Variants in PTPRN2 observed in about 807,000 individuals in gnomAD.
PTPRN2 encodes protein tyrosine phosphatase receptor type N2, also known as receptor-type tyrosine-protein phosphatase N2.
Under a neutral mutation model 118.8 loss-of-function variants are expected in PTPRN2, and 74 were observed. The observed-to-expected ratio is 0.62, with a 90% confidence interval of 0.52 to 0.76. The LOEUF (loss-of-function observed/expected upper bound fraction) is 0.76. Among genes scored for constraint, PTPRN2 ranks in the 30% least tolerant of loss-of-function variants. PTPRN2 has a pLI of 0.00. For synonymous variants in PTPRN2, 641 were observed against 608.0 expected, an observed-to-expected ratio of 1.05 and a Z score of -0.80; for missense variants, 1,481 against 1,394.4, an observed-to-expected ratio of 1.06 and a Z score of -0.99.
intron 3 of PTPRN2, 36 bp downstream of exon 3, chr7:158,316,783 C>G: frequency 6.7e-7 from 1 of 1,502,924 alleles, no homozygotes; most frequent in Non-Finnish European, 9.0e-7. Context: ...TCGCTCAGTG[C>G]GGCAGCCGCC....
At chr7:157,928,223 G>A (rs1464290681) in intron 11 of PTPRN2, among the ~76,000 whole-genome samples, 2 of 152,136 alleles carry the variant, frequency 1.3e-5, no homozygotes, top group Non-Finnish European at 2.9e-5. Flanking sequence ...TACAGGACCC[G>A]ACCCAGAGCC....
intron 12 of PTPRN2, among the ~76,000 whole-genome samples, chr7:157,722,455 G>T (rs1799294353): frequency 6.6e-6 from 1 of 152,194 alleles, no homozygotes; most frequent in South Asian, 2.1e-4. Context: ...GCCCATGTCG[G>T]TGCAGTTGGG....
intron 11 of PTPRN2, among the ~76,000 whole-genome samples, chr7:158,060,843 G>C (rs1810275588): frequency 6.6e-6 from 1 of 152,248 alleles, no homozygotes. Context: ...GGATGGCCTG[G>C]AGGGATGAAG....
chr7:158,068,302 G>T (rs1810940165), intron 11 of PTPRN2, among the ~76,000 whole-genome samples: 1 of 152,366 alleles, frequency 6.6e-6, no homozygotes, highest in East Asian at 1.9e-4. Context: ...TCCCCGTGGG[G>T]TGCCCGTGCT....
intron 11 of PTPRN2, among the ~76,000 whole-genome samples, chr7:158,067,912 G>A (rs1429206860): frequency 6.6e-6 from 1 of 152,210 alleles, no homozygotes. Context: ...GTCATGGTGT[G>A]CTTAGAATTT....
intron 12 of PTPRN2, among the ~76,000 whole-genome samples, chr7:157,819,533 G>A (rs1175502299): frequency 5.3e-5 from 4 of 75,534 alleles, no homozygotes; most frequent in African/African-American, 1.6e-4. Context: ...AGCACACACC[G>A]AGCGGCCACG....
intron 12 of PTPRN2, among the ~76,000 whole-genome samples, chr7:157,700,055 CTT>C (rs369871527): frequency 3.4e-4 from 52 of 152,326 alleles, no homozygotes; most frequent in African/African-American, 1.2e-3. Flanking sequence ...CTACTTCGAC[CTT>C]GCTCAGTCAT....
intron 1 of PTPRN2, among the ~76,000 whole-genome samples, chr7:158,505,619 T>C (rs1822686155): frequency 6.6e-6 from 1 of 151,412 alleles, no homozygotes; most frequent in South Asian, 2.1e-4. Flanking sequence ...CTCTGCCTTT[T>C]GGTTTAGAGG....
chr7:157,781,650 T>C (rs1278469135), intron 12 of PTPRN2, among the ~76,000 whole-genome samples: 1 of 152,220 alleles, frequency 6.6e-6, no homozygotes, highest in Non-Finnish European at 1.5e-5. Context: ...TGGCGGAAGC[T>C]TCCTGACTGA....
intron 11 of PTPRN2, among the ~76,000 whole-genome samples, chr7:157,969,128 T>C (rs1802140005): frequency 6.6e-6 from 1 of 151,760 alleles, no homozygotes; most frequent in East Asian, 1.9e-4. Flanking sequence ...TGTTTCCTTT[T>C]TTTTTTCATC....
chr7:158,267,294 G>A (rs754187833), intron 3 of PTPRN2, among the ~76,000 whole-genome samples: 33 of 150,456 alleles, frequency 2.2e-4, no homozygotes, highest in Non-Finnish European at 2.7e-4. Context: ...CGGCTGGCCC[G>A]GCAGAGCTGG....
intron 9 of PTPRN2, among the ~76,000 whole-genome samples, chr7:158,121,763 C>T (rs1250521186): frequency 6.6e-6 from 1 of 152,128 alleles, no homozygotes; most frequent in African/African-American, 2.4e-5. Context: ...CCAAGGTGTC[C>T]CCAGTTATAC....
chr7:157,564,038 G>C (rs1264670105), intron 21 of PTPRN2, among the ~76,000 whole-genome samples: 1 of 152,258 alleles, frequency 6.6e-6, no homozygotes, highest in African/African-American at 2.4e-5. Flanking sequence ...AAAGTTAAGA[G>C]AATATAGGAG....
At chr7:158,127,916 A>G (rs979615296) in intron 9 of PTPRN2, among the ~76,000 whole-genome samples, 3 of 152,170 alleles carry the variant, frequency 2.0e-5, no homozygotes, top group Non-Finnish European at 4.4e-5. Context: ...GAATCCCTCT[A>G]GTTTGTAAAA....
At chr7:158,491,679 G>A (rs62481469) in intron 1 of PTPRN2, among the ~76,000 whole-genome samples, 8 of 151,904 alleles carry the variant, frequency 5.3e-5, no homozygotes, top group African/African-American at 1.9e-4. Context: ...TAGTAGAGAC[G>A]GGATTTCACC....
At chr7:158,539,293 T>C (rs1435692860) in intron 1 of PTPRN2, 1 of 152,244 alleles carries the variant, frequency 6.6e-6, no homozygotes, top group Non-Finnish European at 1.5e-5. Flanking sequence ...AAGACACAAG[T>C]GACAGCAATA....
At chr7:157,705,759 C>T (rs1317964205) in intron 12 of PTPRN2, among the ~76,000 whole-genome samples, 2 of 151,156 alleles carry the variant, frequency 1.3e-5, no homozygotes, top group Admixed American at 1.3e-4. Context: ...GTGAATCTGA[C>T]CCAGGTGCCT....
At chr7:157,840,672 C>A (rs553947745) in intron 12 of PTPRN2, among the ~76,000 whole-genome samples, 1 of 152,324 alleles carries the variant, frequency 6.6e-6, no homozygotes, top group South Asian at 2.1e-4. Context: ...CAGTGGATGA[C>A]CCGATGCTGA....
At chr7:157,571,599 T>G in intron 19 of PTPRN2, 106 bp from the exon 20 acceptor site, 1 of 750,644 alleles carries the variant, frequency 1.3e-6, no homozygotes, top group Non-Finnish European at 2.2e-6. Context: ...GAAATCATTT[T>G]GCAATCGCTT....
Sources: allele counts gnomAD v4.1 joint callset (sites outside exome capture counted in the v4.1 genomes callset), GRCh38; gene constraint gnomAD v4.1.1; transcripts MANE v1.5; gene names NCBI Gene and HGNC (gene_info 2026-07-23, HGNC 2026-07-21).